RTN4IP1: variants seen among roughly 807,000 people sequenced by gnomAD.
The protein encoded by RTN4IP1 is reticulon 4 interacting protein 1.
RTN4IP1 carries 32 observed loss-of-function variants against 46.6 expected under a neutral mutation model. The ratio of observed to expected loss-of-function variants is 0.69; its 90% CI spans 0.52 to 0.92. The LOEUF (loss-of-function observed/expected upper bound fraction) is 0.92, where lower values mean the gene tolerates loss of function less well. RTN4IP1 is among the 40% of genes least tolerant of loss of function. RTN4IP1 has a pLI of 0.00. For missense variants in RTN4IP1, 424 were observed against 485.8 expected (o/e 0.87, Z 1.20); for synonymous variants, 167 against 161.8 (o/e 1.03, Z -0.24).
intron 5 of RTN4IP1, among the ~76,000 whole-genome samples, chr6:106,598,361 T>C (rs1775854694): frequency 6.6e-6 from 1 of 151,848 alleles, no homozygotes. Context: ...GCACCTGTTG[T>C]TTCCTGACTT....
chr6:106,583,375 T>C lies in RTN4IP1; in HGVS notation c.1036A>G (p.Ser346Gly), dbSNP rs1775414039. 6 of 1,613,800 alleles carry C rather than the reference T, an allele frequency of 3.7e-6. No individual in the cohort carries two copies. Among genetic ancestry groups the C allele is most frequent in the Non-Finnish European group, 5.1e-6 (6 of 1,179,798 alleles). ...GCAATGTCATCTAAACATGGGCCAC[T>C]GGCCATGAAAAATGCCCAGCGATAA... ...VHYRWAFFMA[S>G]GPCLDDIAEL... is the part of the protein sequence containing the mutation. Residue 346 changes from serine to glycine, a missense_variant, in exon 8 of 9, where the codon AGT (serine) becomes GGT (glycine). Ser to Gly is a moderately conservative substitution (Grantham distance 56). Transcript: ENST00000369063.
rs35293436 is a variant in RTN4IP1 at position 106,590,714 on chromosome 6, CAAAAAAAA to C, written c.806+1442_806+1449del. Among the ~76,000 whole-genome samples the C allele has an allele frequency of 1.3e-4, 9 of 68,536 alleles. No individual in the cohort carries two copies. The South Asian group carries it at 5.8e-3, about 44-fold the overall frequency. 45.0% of individuals were successfully genotyped at this position (68,536 alleles called of 152,430 possible). On this transcript the variant is annotated intron_variant, in intron 6 of 8. Coordinates refer to ENST00000369063, the MANE Select transcript of RTN4IP1 (RefSeq NM_032730.5). The stretch of plus-strand genomic sequence containing the variant: ...TGGGCGACAGAGTGAGAATCCATCT[CAAAAAAAA>C]AAAAAAAAAAAAGATACAAGATCAA...
chr6:106,612,203 A>G (rs1465735170), intron 4 of RTN4IP1, among the ~76,000 whole-genome samples: 1 of 151,650 alleles, frequency 6.6e-6, no homozygotes, highest in South Asian at 2.1e-4. Context: ...CCTGGCCAAC[A>G]TGGTGAAACC....
chr6:106,621,488 C>T lies in RTN4IP1; in HGVS notation c.432G>A (p.Trp144Ter), dbSNP rs755175825. The change falls in exon 3 of 9, where the codon TGG (tryptophan) becomes TGA (stop). Residue 144 changes from tryptophan to a stop codon, truncating the protein, a stop_gained. Coordinates refer to ENST00000369063, the MANE Select transcript of RTN4IP1 (RefSeq NM_032730.5). LOFTEE classifies it high-confidence loss of function. The part of the protein sequence containing the change: ...VKYFKPGDEV[W>*]AAVPPWKQGT... ...CTTGTTTCCAAGGAGGAACTGCAGC[C>T]CAGACCTGAAACACACACAGACAGA... 1 of 1,613,722 alleles carries T rather than the reference C, an allele frequency of 6.2e-7. No individual in the cohort carries two copies. Among genetic ancestry groups the T allele is most frequent in the Non-Finnish European group, 8.5e-7 (1 of 1,179,774 alleles).
chr6:106,627,601 T>C (rs1049882747), intron 1 of RTN4IP1, among the ~76,000 whole-genome samples: 2 of 151,898 alleles, frequency 1.3e-5, no homozygotes, highest in African/African-American at 2.4e-5. Flanking sequence ...ACATATCTTA[T>C]AAAAAACTGA....
intron 4 of RTN4IP1, among the ~76,000 whole-genome samples, chr6:106,611,981 A>C (rs1776236445): frequency 6.6e-6 from 1 of 152,262 alleles, no homozygotes; most frequent in Non-Finnish European, 1.5e-5. Context: ...AAGTGTATTC[A>C]GAATTTCAAC....
chr6:106,583,558 ACC>A, intron 7 of RTN4IP1, 138 bp from the exon 8 acceptor site: 1 of 639,742 alleles, frequency 1.6e-6, no homozygotes. Context: ...TGTGCACAGC[ACC>A]TTGGCACAAT....
At position 106,629,375 on chromosome 6, in the gene RTN4IP1, C is replaced by T; in HGVS notation, c.-354G>A. ...CCTGCCCTGTCCTGGGAGCCCTCGG[C>T]GGGACAAGCAGACACCGCTCGCGAT... On this transcript the variant is annotated 5_prime_UTR_variant, in exon 1 of 9. Coordinates refer to ENST00000369063, the MANE Select transcript of RTN4IP1 (RefSeq NM_032730.5). 1 of 556,450 alleles carries T rather than the reference C, an allele frequency of 1.8e-6. No homozygotes were observed. Among genetic ancestry groups the T allele is most frequent in the East Asian group, 3.1e-5 (1 of 32,618 alleles). 34.5% of individuals were successfully genotyped at this position (556,450 alleles called of 1,614,324 possible). A position where few individuals can be genotyped will look rare whatever the true frequency, so the allele number is the denominator to read the frequency against.
Position 106,619,251 on chromosome 6 carries a change from C to A in RTN4IP1, c.571G>T (p.Ala191Ser). The A allele has an allele frequency of 6.2e-7, 1 of 1,614,154 alleles. No homozygotes were observed. The highest frequency in any genetic ancestry group is 8.5e-7 in the Non-Finnish European group (1 of 1,180,004). ...TTCAGGCCACCAACTTTGTTTATAG[C>A]AGACCAGGCTGTGAGAGCCACATAT... The part of the protein sequence containing the change: ...LPYVALTAWS[A>S]INKVGGLNDK... Residue 191 changes from alanine to serine, a missense_variant, in exon 4 of 9, where the codon GCT becomes TCT. By Grantham distance (99) the Ala-to-Ser change is moderately conservative. Transcript: ENST00000369063.
At chr6:106,581,497 G>A (rs113758428) in intron 8 of RTN4IP1, among the ~76,000 whole-genome samples, 127 of 152,220 alleles carry the variant, frequency 8.3e-4, no homozygotes, top group Non-Finnish European at 1.6e-3. Flanking sequence ...GCAAGGACAC[G>A]ACAAGAGAGC....
intron 4 of RTN4IP1, among the ~76,000 whole-genome samples, chr6:106,606,788 A>G (rs1380253274): frequency 1.3e-5 from 2 of 152,192 alleles, no homozygotes; most frequent in Non-Finnish European, 2.9e-5. Context: ...TCCTATGCTC[A>G]TGGATTGGAA....
chr6:106,590,178 G>A (rs1582867376), intron 6 of RTN4IP1, among the ~76,000 whole-genome samples: 1 of 152,050 alleles, frequency 6.6e-6, no homozygotes, highest in Non-Finnish European at 1.5e-5. Context: ...AAATTAGCCG[G>A]GTGTGATGGT....
At chr6:106,577,965 G>A (rs1323881062) in intron 8 of RTN4IP1, among the ~76,000 whole-genome samples, 2 of 152,154 alleles carry the variant, frequency 1.3e-5, no homozygotes, top group Non-Finnish European at 2.9e-5. Flanking sequence ...AATTTGTGCT[G>A]TCTTAAGCCA....
intron 4 of RTN4IP1, among the ~76,000 whole-genome samples, chr6:106,616,742 A>C (rs1210134559): frequency 1.3e-5 from 2 of 152,234 alleles, no homozygotes; most frequent in East Asian, 3.8e-4. Flanking sequence ...GTATTTTTAC[A>C]GTATTTTAAG....
intron 8 of RTN4IP1, among the ~76,000 whole-genome samples, chr6:106,573,507 A>G (rs1336161823): frequency 2.6e-5 from 4 of 152,242 alleles, no homozygotes; most frequent in Admixed American, 6.5e-5. Context: ...ATAAGCTCAT[A>G]ATAAAAGCAA....
chr6:106,574,202 T>C (rs1254234803), intron 8 of RTN4IP1, among the ~76,000 whole-genome samples: 1 of 151,730 alleles, frequency 6.6e-6, no homozygotes, highest in Non-Finnish European at 1.5e-5. Flanking sequence ...CCCAGCACTT[T>C]GGGAAGCCGA....
chr6:106,582,541 T>A (rs1302468409), intron 8 of RTN4IP1, among the ~76,000 whole-genome samples: 1 of 152,154 alleles, frequency 6.6e-6, no homozygotes, highest in Non-Finnish European at 1.5e-5. Flanking sequence ...AAAATGAGAA[T>A]CACCCTATCT....
At chr6:106,628,400 G>A (rs1582398483) in intron 1 of RTN4IP1, among the ~76,000 whole-genome samples, 1 of 152,022 alleles carries the variant, frequency 6.6e-6, no homozygotes, top group Non-Finnish European at 1.5e-5. Context: ...CCCAGGATGC[G>A]GAGGTTGCAG....
chr6:106,624,637 A>G (rs912173435), intron 1 of RTN4IP1, among the ~76,000 whole-genome samples: 1 of 144,960 alleles, frequency 6.9e-6, no homozygotes. Context: ...CACCTGGCCC[A>G]TATCTTTTTA....
Sources: gnomAD v4.1 joint callset for allele counts (sites outside exome capture counted in the v4.1 genomes callset) on GRCh38, gnomAD v4.1.1 for gene constraint, MANE v1.5 for transcripts, NCBI Gene and HGNC (gene_info 2026-07-23, HGNC 2026-07-21) for gene names.